The following IL1RAPL1 variants were observed in gnomAD, a reference collection of about 807,000 sequenced individuals.
IL1RAPL1 encodes interleukin 1 receptor accessory protein like 1.
In IL1RAPL1, 3 loss-of-function variants were observed where a neutral mutation model predicts 48.4. The ratio of observed to expected loss-of-function variants is 0.06; its 90% confidence interval spans 0.03 to 0.16. The LOEUF is 0.16. Ranked by LOEUF, IL1RAPL1 falls within the 10% of genes least tolerant of loss-of-function variation. IL1RAPL1 has a pLI of 1.00. For synonymous variants in IL1RAPL1, 185 were observed against 187.7 expected (o/e 0.99, Z 0.12); for missense variants, 349 against 530.6 (o/e 0.66, Z 3.36).
intron 2 of IL1RAPL1, among the ~76,000 whole-genome samples, chrX:28,895,678 A>G (rs1475897505): frequency 9.0e-6 from 1 of 111,419 alleles, no homozygotes; most frequent in South Asian, 3.8e-4. Context: ...CTGGCTGTCA[A>G]TACCTACCAC....
At chrX:29,134,874 G>A (rs889135449) in intron 2 of IL1RAPL1, among the ~76,000 whole-genome samples, 1 of 111,362 alleles carries the variant, frequency 9.0e-6, no homozygotes, top group Non-Finnish European at 1.9e-5. Context: ...CTATCACACA[G>A]TCCCAGCCAC....
At chrX:29,830,177 G>T (rs1930840008) in intron 6 of IL1RAPL1, among the ~76,000 whole-genome samples, 1 of 111,498 alleles carries the variant, frequency 9.0e-6, no homozygotes, top group South Asian at 3.7e-4. Flanking sequence ...ATTAGAAAAA[G>T]AAATAATCCT....
intron 1 of IL1RAPL1, among the ~76,000 whole-genome samples, chrX:28,773,065 C>T (rs1936326412): frequency 9.5e-6 from 1 of 105,671 alleles, no homozygotes; most frequent in African/African-American, 3.8e-5. Flanking sequence ...TATAATATCT[C>T]TCTCTCTCTC....
At chrX:28,948,632 A>G (rs1924368841) in intron 2 of IL1RAPL1, among the ~76,000 whole-genome samples, 1 of 111,847 alleles carries the variant, frequency 8.9e-6, no homozygotes, top group Non-Finnish European at 1.9e-5. Context: ...TTTAGATGGT[A>G]CATGTAAAGC....
At chrX:29,714,220 C>T (rs1449714334) in intron 6 of IL1RAPL1, among the ~76,000 whole-genome samples, 2 of 111,490 alleles carry the variant, frequency 1.8e-5, no homozygotes, top group Non-Finnish European at 3.8e-5. Flanking sequence ...TCTGTATTTA[C>T]GTATGTTTTC....
chrX:29,899,943 G>T (rs1043818519), intron 6 of IL1RAPL1, among the ~76,000 whole-genome samples: 7 of 111,645 alleles, frequency 6.3e-5, no homozygotes, highest in Non-Finnish European at 1.3e-4. Flanking sequence ...CTCATTTTGA[G>T]CTTCAGTTGT....
intron 6 of IL1RAPL1, among the ~76,000 whole-genome samples, chrX:29,696,524 G>A (rs1179356878): frequency 8.9e-6 from 1 of 111,906 alleles, no homozygotes; most frequent in Non-Finnish European, 1.9e-5. Flanking sequence ...TAGAATAAAT[G>A]CAATTTGATC....
At chrX:28,592,884 A>G (rs1378264125) in intron 1 of IL1RAPL1, among the ~76,000 whole-genome samples, 2 of 111,544 alleles carry the variant, frequency 1.8e-5, no homozygotes, top group African/African-American at 3.3e-5. Context: ...AATAGCAAGC[A>G]TTTTCTTGGT....
At chrX:29,173,972 G>A (rs1328587354) in intron 2 of IL1RAPL1, among the ~76,000 whole-genome samples, 1 of 109,890 alleles carries the variant, frequency 9.1e-6, no homozygotes, top group Non-Finnish European at 1.9e-5. Flanking sequence ...CCAGGCTAGA[G>A]TGCAATGGAA....
At chrX:28,658,338 C>T (rs1347694806) in intron 1 of IL1RAPL1, among the ~76,000 whole-genome samples, 1 of 111,841 alleles carries the variant, frequency 8.9e-6, no homozygotes, top group Non-Finnish European at 1.9e-5. Context: ...GTGCCTCAGC[C>T]TCCTGAGTAG....
chrX:29,668,086 G>GA (rs1230492789), intron 5 of IL1RAPL1, among the ~76,000 whole-genome samples: 5 of 111,743 alleles, frequency 4.5e-5, no homozygotes, highest in Non-Finnish European at 7.5e-5. Context: ...AATTAACACA[G>GA]AAAAAAATGC....
chrX:28,750,717 G>C, intron 1 of IL1RAPL1, among the ~76,000 whole-genome samples: 1 of 111,567 alleles, frequency 9.0e-6, no homozygotes, highest in Non-Finnish European at 1.9e-5. Context: ...TTCTGAACTT[G>C]TAAGGAAAAG....
intron 6 of IL1RAPL1, among the ~76,000 whole-genome samples, chrX:29,720,416 T>C (rs1421881105): frequency 9.2e-6 from 1 of 109,055 alleles, no homozygotes; most frequent in African/African-American, 3.4e-5. Flanking sequence ...TGAAATACTA[T>C]GCAGCCATAA....
intron 3 of IL1RAPL1, among the ~76,000 whole-genome samples, chrX:29,380,626 A>G (rs1933685046): frequency 8.9e-6 from 1 of 112,466 alleles, no homozygotes; most frequent in East Asian, 2.8e-4. Context: ...CCACTGGCCT[A>G]TAGTCTCATT....
At position 28,810,120 on chromosome X, in the gene IL1RAPL1, C is replaced by T. The variant is rs1339508445; in HGVS notation, c.82+20695C>T. ...TAGAATTAAGTTCGAGATTCCTATT[C>T]AGTCTTCGAGTGGCTTTGTCAAGGA... On this transcript the variant is annotated intron_variant, in intron 2 of 10. Coordinates refer to ENST00000378993, the MANE Select transcript of IL1RAPL1 (RefSeq NM_014271.4). Among the ~76,000 whole-genome samples the T allele has an allele frequency of 2.7e-5, 3 of 110,273 alleles. No individual in the cohort carries two copies. In the East Asian group the frequency reaches 8.6e-4, roughly 32 times the overall value.
intron 2 of IL1RAPL1, among the ~76,000 whole-genome samples, chrX:29,030,302 T>C (rs1926588241): frequency 8.9e-6 from 1 of 111,765 alleles, no homozygotes. Flanking sequence ...GGGATTTTGA[T>C]TGGAATTTCA....
intron 2 of IL1RAPL1, among the ~76,000 whole-genome samples, chrX:29,270,462 T>A (rs1055360899): frequency 8.9e-6 from 1 of 112,219 alleles, no homozygotes; most frequent in Non-Finnish European, 1.9e-5. Flanking sequence ...TACAGTAGAA[T>A]GTATGAATCA....
At chrX:29,740,284 T>C (rs1327412237) in intron 6 of IL1RAPL1, among the ~76,000 whole-genome samples, 1 of 111,343 alleles carries the variant, frequency 9.0e-6, no homozygotes, top group African/African-American at 3.3e-5. Context: ...AATATTTCAC[T>C]TGTATAGAAG....
At chrX:29,659,805 T>C in intron 5 of IL1RAPL1, among the ~76,000 whole-genome samples, 4 of 111,864 alleles carry the variant, frequency 3.6e-5, no homozygotes, top group African/African-American at 1.3e-4. Flanking sequence ...CTGATGAAGA[T>C]TTTTGCTGTT....
Sources: gnomAD v4.1 joint callset for allele counts (sites outside exome capture counted in the v4.1 genomes callset) on GRCh38, gnomAD v4.1.1 for gene constraint, MANE v1.5 for transcripts, NCBI Gene and HGNC (gene_info 2026-07-23, HGNC 2026-07-21) for gene names.